ARHGAP15: variants seen among roughly 807,000 people sequenced by gnomAD.
ARHGAP15 encodes the protein Rho GTPase activating protein 15, also known as rho GTPase-activating protein 15.
A neutral mutation model predicts 63.7 loss-of-function variants in ARHGAP15; 51 were observed. The observed-to-expected ratio is 0.80, with a 90% CI of 0.64 to 1.01. The LOEUF (loss-of-function observed/expected upper bound fraction) is 1.01. Ranked by LOEUF, ARHGAP15 falls within the 50% of genes least tolerant of loss-of-function variation. ARHGAP15 has a pLI of 0.00. For synonymous variants in ARHGAP15, 191 were observed against 193.8 expected, an observed-to-expected ratio of 0.99 and a Z score of 0.12; for missense variants, 560 against 564.6, an observed-to-expected ratio of 0.99 and a Z score of 0.08.
intron 8 of ARHGAP15, among the ~76,000 whole-genome samples, chr2:143,482,008 T>G (rs546349536): frequency 6.6e-6 from 1 of 152,324 alleles, no homozygotes; most frequent in Non-Finnish European, 1.5e-5. Flanking sequence ...AGCATTCTAT[T>G]TGTTCAGGCT....
rs116338674 is a variant in ARHGAP15, at chr2:143,657,485, T to C, written c.1138+33218T>C. 4.7e-3 allele frequency among the ~76,000 whole-genome samples: 714 copies of C among 152,356 alleles called. 8 individuals carry two copies. The highest frequency in any genetic ancestry group is 0.016 in the African/African-American group (660 of 41,594). On this transcript the variant is annotated intron_variant, in intron 12 of 13. Transcript: ENST00000295095. ...TACACTTCAGGCTAAAGAACAGTTG[T>C]CTTTTTGTACTAGCAAGATTTCTTC...
chr2:143,213,241 C>T (rs527700248), intron 3 of ARHGAP15, among the ~76,000 whole-genome samples: 5 of 152,190 alleles, frequency 3.3e-5, no homozygotes, highest in South Asian at 4.1e-4. Context: ...GGGCCGGGTG[C>T]GGTGGCTCAT....
At chr2:143,339,658 T>G (rs1684966937) in intron 6 of ARHGAP15, among the ~76,000 whole-genome samples, 1 of 152,180 alleles carries the variant, frequency 6.6e-6, no homozygotes, top group Non-Finnish European at 1.5e-5. Context: ...CCCAGACCTC[T>G]GTCCATTTTA....
At chr2:143,352,434 A>G (rs922722203) in intron 6 of ARHGAP15, among the ~76,000 whole-genome samples, 1 of 152,108 alleles carries the variant, frequency 6.6e-6, no homozygotes, top group Non-Finnish European at 1.5e-5. Context: ...AAACACCTAA[A>G]TATTTGGGGT....
At chr2:143,505,609 C>T (rs547819784) in intron 9 of ARHGAP15, among the ~76,000 whole-genome samples, 1 of 152,330 alleles carries the variant, frequency 6.6e-6, no homozygotes, top group Admixed American at 6.5e-5. Flanking sequence ...CGTGGAATAA[C>T]TAGCAGACCA....
intron 11 of ARHGAP15, among the ~76,000 whole-genome samples, chr2:143,597,247 A>C (rs1348469766): frequency 1.3e-5 from 2 of 152,080 alleles, no homozygotes; most frequent in Non-Finnish European, 2.9e-5. Flanking sequence ...GATTTGCTTA[A>C]ATGCAAAATA....
intron 2 of ARHGAP15, among the ~76,000 whole-genome samples, chr2:143,197,126 G>A (rs1691912520): frequency 6.6e-6 from 1 of 151,862 alleles, no homozygotes; most frequent in Admixed American, 6.6e-5. Flanking sequence ...AGATTGTTGA[G>A]GAAGAATTTA....
chr2:143,501,464 T>C (rs986714407), intron 9 of ARHGAP15, among the ~76,000 whole-genome samples: 2 of 152,212 alleles, frequency 1.3e-5, no homozygotes, highest in South Asian at 2.1e-4. Context: ...GAGCCTGTTT[T>C]AGTTATAAAT....
At chr2:143,430,249 C>G (rs1689328568) in intron 6 of ARHGAP15, among the ~76,000 whole-genome samples, 1 of 150,750 alleles carries the variant, frequency 6.6e-6, no homozygotes, top group Non-Finnish European at 1.5e-5. Flanking sequence ...AAGGCAGATA[C>G]TTTCTCACAA....
intron 12 of ARHGAP15, among the ~76,000 whole-genome samples, chr2:143,636,992 TC>T (rs1196677079): frequency 6.6e-6 from 1 of 152,100 alleles, no homozygotes; most frequent in African/African-American, 2.4e-5. Context: ...AAACACAAGA[TC>T]ATTGTGTCCT....
At chr2:143,179,660 G>T (rs568751327) in intron 2 of ARHGAP15, among the ~76,000 whole-genome samples, 1 of 152,296 alleles carries the variant, frequency 6.6e-6, no homozygotes, top group African/African-American at 2.4e-5. Context: ...GACTGAAGCA[G>T]GAGGATCACT....
chr2:143,686,146 C>T (rs557081239), intron 12 of ARHGAP15, among the ~76,000 whole-genome samples: 70 of 152,132 alleles, frequency 4.6e-4, no homozygotes, highest in Admixed American at 4.3e-3. Flanking sequence ...CGGTAGCTCA[C>T]GCCTGTAATC....
intron 6 of ARHGAP15, among the ~76,000 whole-genome samples, chr2:143,339,526 A>G (rs966009865): frequency 1.3e-5 from 2 of 152,152 alleles, no homozygotes; most frequent in Admixed American, 6.6e-5. Flanking sequence ...ATGAAGACAG[A>G]TTATGTTATA....
At chr2:143,528,724 G>C (rs1694395961) in intron 10 of ARHGAP15, among the ~76,000 whole-genome samples, 1 of 152,050 alleles carries the variant, frequency 6.6e-6, no homozygotes, top group African/African-American at 2.4e-5. Context: ...CTGACAGTTT[G>C]GGATGACTAA....
chr2:143,392,922 A>AT (rs941796498), intron 6 of ARHGAP15, among the ~76,000 whole-genome samples: 2 of 152,122 alleles, frequency 1.3e-5, no homozygotes, highest in Non-Finnish European at 2.9e-5. Flanking sequence ...ATCTCCATAG[A>AT]TAAAAAAAAC....
intron 12 of ARHGAP15, among the ~76,000 whole-genome samples, chr2:143,659,775 A>G (rs114753903): frequency 2.1e-3 from 326 of 152,278 alleles, no homozygotes; most frequent in African/African-American, 7.6e-3. Context: ...ATCAGCTTTC[A>G]TTAGTTCTAG....
intron 6 of ARHGAP15, among the ~76,000 whole-genome samples, chr2:143,252,815 AAGGATTTGCC>A (rs756767848): frequency 3.9e-5 from 6 of 152,046 alleles, no homozygotes; most frequent in Non-Finnish European, 8.8e-5. Flanking sequence ...AAGCGTCGGG[AAGGATTTGCC>A]AGAGAGCTAA....
chr2:143,561,746 G>A (rs1309685539), intron 11 of ARHGAP15, among the ~76,000 whole-genome samples: 1 of 151,906 alleles, frequency 6.6e-6, no homozygotes, highest in Non-Finnish European at 1.5e-5. Flanking sequence ...CAAGTGATCT[G>A]CCCACTTCGG....
At chr2:143,632,356 T>C (rs1043362417) in intron 12 of ARHGAP15, among the ~76,000 whole-genome samples, 1 of 152,104 alleles carries the variant, frequency 6.6e-6, no homozygotes, top group Non-Finnish European at 1.5e-5. Context: ...CATATATATA[T>C]ACATATGAAT....
Sources: gnomAD v4.1 joint callset for allele counts (sites outside exome capture counted in the v4.1 genomes callset) on GRCh38, gnomAD v4.1.1 for gene constraint, MANE v1.5 for transcripts, NCBI Gene and HGNC (gene_info 2026-07-23, HGNC 2026-07-21) for gene names.